PTPRM: variants seen among roughly 807,000 people sequenced by gnomAD.
PTPRM encodes the protein receptor-type tyrosine-protein phosphatase mu.
In PTPRM, 47 loss-of-function variants were observed where a neutral mutation model predicts 186.7. The ratio of observed to expected loss-of-function variants is 0.25; its 90% CI spans 0.20 to 0.32. The LOEUF is 0.32. Among genes scored for constraint, PTPRM ranks in the 10% least tolerant of loss-of-function variants. The pLI, the probability that PTPRM is intolerant of heterozygous loss-of-function variation, is 1.00. For missense variants in PTPRM, 1,494 were observed against 1,865.0 expected, an observed-to-expected ratio of 0.80 and a Z score of 3.66; for synonymous variants, 668 against 674.9, an observed-to-expected ratio of 0.99 and a Z score of 0.16.
chr18:8,244,275 A>C, intron 15 of PTPRM, 66 bp downstream of exon 15: 3 of 1,157,642 alleles, frequency 2.6e-6, no homozygotes, highest in Non-Finnish European at 3.4e-6. Flanking sequence ...AGGTGGTACT[A>C]GGGGATTTCA....
chr18:7,740,102 C>T (rs531465996), intron 1 of PTPRM, among the ~76,000 whole-genome samples: 44 of 152,296 alleles, frequency 2.9e-4, no homozygotes, highest in African/African-American at 1.0e-3. Context: ...CAGTACTGAA[C>T]ATTTCTATCC....
At chr18:7,593,104 G>C (rs2037168826) in intron 1 of PTPRM, among the ~76,000 whole-genome samples, 2 of 152,202 alleles carry the variant, frequency 1.3e-5, no homozygotes, top group Non-Finnish European at 2.9e-5. Flanking sequence ...GGCAAGGAAA[G>C]TGTGCAAACT....
intron 7 of PTPRM, among the ~76,000 whole-genome samples, chr18:7,982,618 A>G (rs1448854563): frequency 3.3e-5 from 5 of 152,066 alleles, no homozygotes; most frequent in African/African-American, 1.2e-4. Flanking sequence ...GTCTATTATC[A>G]TTAGCAAGTA....
At chr18:7,974,852 T>G (rs1253759225) in intron 7 of PTPRM, among the ~76,000 whole-genome samples, 1 of 152,232 alleles carries the variant, frequency 6.6e-6, no homozygotes, top group Non-Finnish European at 1.5e-5. Flanking sequence ...ATTGATTGCC[T>G]TAGTGCACTT....
At chr18:7,784,882 G>C (rs558972375) in intron 2 of PTPRM, among the ~76,000 whole-genome samples, 2 of 152,192 alleles carry the variant, frequency 1.3e-5, no homozygotes, top group African/African-American at 4.8e-5. Context: ...CCATTTGTCT[G>C]CTCTGAGCCC....
intron 2 of PTPRM, among the ~76,000 whole-genome samples, chr18:7,824,928 A>G (rs2045404570): frequency 6.6e-6 from 1 of 152,164 alleles, no homozygotes. Flanking sequence ...TGGAACCTCT[A>G]TTGTATTTTC....
rs563562594 is a variant in PTPRM, at chr18:8,219,664, G to T, written c.2301-24394G>T. Among the ~76,000 whole-genome samples, 20 of 152,316 alleles carry T rather than the reference G, an allele frequency of 1.3e-4. No homozygotes were observed. In the South Asian group the frequency reaches 4.1e-3, roughly 32 times the overall value. On this transcript the variant is annotated intron_variant, in intron 14 of 32. Coordinates refer to ENST00000580170, the MANE Select transcript of PTPRM (RefSeq NM_001105244.2). ...AGCCCATAAAGGTGGGATATCTTGA[G>T]GTGGAGGCTTACAAGTCAATAGATG...
At chr18:8,175,171 G>T (rs145586195) in intron 14 of PTPRM, among the ~76,000 whole-genome samples, 84 of 152,314 alleles carry the variant, frequency 5.5e-4, no homozygotes, top group African/African-American at 1.7e-3. Flanking sequence ...TTAGACTGCA[G>T]ACTAATTAAG....
intron 31 of PTPRM, among the ~76,000 whole-genome samples, chr18:8,393,039 G>A (rs955975621): frequency 2.6e-5 from 4 of 152,174 alleles, no homozygotes; most frequent in East Asian, 1.9e-4. Flanking sequence ...ATCCACCAAC[G>A]GATGCTCAAA....
intron 1 of PTPRM, among the ~76,000 whole-genome samples, chr18:7,630,654 G>C (rs2038170017): frequency 6.6e-6 from 1 of 152,122 alleles, no homozygotes; most frequent in Non-Finnish European, 1.5e-5. Flanking sequence ...AAAGTTTTGA[G>C]TAATGCTTTT....
chr18:7,588,997 A>G (rs1273109283), intron 1 of PTPRM, among the ~76,000 whole-genome samples: 1 of 152,114 alleles, frequency 6.6e-6, no homozygotes, highest in Non-Finnish European at 1.5e-5. Flanking sequence ...CCACAGGTGC[A>G]TACCACCATG....
At chr18:8,188,800 CAGAGA>C (rs2093674145) in intron 14 of PTPRM, among the ~76,000 whole-genome samples, 1 of 152,180 alleles carries the variant, frequency 6.6e-6, no homozygotes, top group East Asian at 1.9e-4. Flanking sequence ...ATGTTTAATA[CAGAGA>C]TCCAGACTCC....
chr18:8,381,797 TTGC>T (rs2095738215), intron 29 of PTPRM, among the ~76,000 whole-genome samples: 1 of 152,234 alleles, frequency 6.6e-6, no homozygotes, highest in African/African-American at 2.4e-5. Context: ...GAGTCTTAAG[TTGC>T]AGACACTTAT....
At chr18:8,270,471 A>G (rs1230569260) in intron 19 of PTPRM, 1 of 152,112 alleles carries the variant, frequency 6.6e-6, no homozygotes, top group Non-Finnish European at 1.5e-5. Flanking sequence ...TGAGAATGTA[A>G]TTTTTTACCA....
chr18:7,618,126 T>C (rs1176030909), intron 1 of PTPRM, among the ~76,000 whole-genome samples: 9 of 152,188 alleles, frequency 5.9e-5, no homozygotes, highest in Non-Finnish European at 1.3e-4. Context: ...TTGTTAAATA[T>C]GTAGCCAAAA....
chr18:8,259,839 C>T (rs1295397718), intron 19 of PTPRM, among the ~76,000 whole-genome samples: 1 of 151,956 alleles, frequency 6.6e-6, no homozygotes, highest in Admixed American at 6.6e-5. Context: ...TAGAGTTTTT[C>T]ACCATGTTGG....
chr18:8,262,555 G>A (rs753295057), intron 19 of PTPRM, among the ~76,000 whole-genome samples: 5 of 152,126 alleles, frequency 3.3e-5, no homozygotes, highest in Non-Finnish European at 5.9e-5. Context: ...CTGCCTGGCC[G>A]TGACTTCAGC....
chr18:8,155,679 A>G (rs908350919), intron 14 of PTPRM, among the ~76,000 whole-genome samples: 5 of 152,372 alleles, frequency 3.3e-5, no homozygotes, highest in African/African-American at 4.8e-5. Context: ...AACAAAAAAG[A>G]TAAGAGGGAA....
intron 1 of PTPRM, among the ~76,000 whole-genome samples, chr18:7,674,448 G>A (rs1354371571): frequency 1.3e-5 from 2 of 152,180 alleles, no homozygotes; most frequent in East Asian, 1.9e-4. Context: ...TTGAAGGGCT[G>A]GTGGTGTGAT....
Sources: gnomAD v4.1 joint callset for allele counts (sites outside exome capture counted in the v4.1 genomes callset) on GRCh38, gnomAD v4.1.1 for gene constraint, MANE v1.5 for transcripts, NCBI Gene and HGNC (gene_info 2026-07-23, HGNC 2026-07-21) for gene names.